Variants in MOGAT2 observed in about 807,000 individuals in gnomAD.
The protein encoded by MOGAT2 is monoacylglycerol O-acyltransferase 2.
Under a neutral mutation model 31.5 loss-of-function variants are expected in MOGAT2, and 27 were observed. That is an observed-to-expected ratio of 0.86 (90% CI 0.63 to 1.18). The LOEUF is 1.18. MOGAT2 is among the 50% of genes most tolerant of loss of function. The pLI is 0.00. For missense variants in MOGAT2, 436 were observed against 433.2 expected (o/e 1.01, Z -0.06); for synonymous variants, 163 against 170.0 (o/e 0.96, Z 0.32).
At chr11:75,718,116 C>A in intron 1 of MOGAT2, 137 bp downstream of exon 1, 1 of 898,236 alleles carries the variant, frequency 1.1e-6, no homozygotes, top group Admixed American at 2.1e-5. Flanking sequence ...AGAGCCCCTG[C>A]CCAGAGAGAA....
At position 75,731,405 on chromosome 11, in the gene MOGAT2, C is replaced by A; in HGVS notation, c.*119C>A. ...CTTCCCAGACTCCTGCAAATCCAAC[C>A]CATATCAGGCTGTAAGTCAGAGCAG... On this transcript the variant is annotated 3_prime_UTR_variant, in exon 6 of 6. Transcript: ENST00000198801. 8.6e-7 allele frequency: 1 copy of A among 1,164,728 alleles called. No individual in the cohort carries two copies. The highest frequency in any genetic ancestry group is 1.2e-6 in the Non-Finnish European group (1 of 860,374). 72.1% of individuals were successfully genotyped at this position (1,164,728 alleles called of 1,614,324 possible). A position where few individuals can be genotyped will look rare whatever the true frequency, so the allele number is the denominator to read the frequency against.
intron 1 of MOGAT2, among the ~76,000 whole-genome samples, chr11:75,718,698 A>T (rs1590836343): frequency 6.6e-6 from 1 of 151,904 alleles, no homozygotes. Flanking sequence ...CCCCTTACCC[A>T]CCCCACCACT....
chr11:75,727,918 C>A, intron 3 of MOGAT2, 52 bp from the exon 4 acceptor site: 1 of 1,511,790 alleles, frequency 6.6e-7, no homozygotes, highest in South Asian at 1.3e-5. Flanking sequence ...CATGTACTTT[C>A]ATAGCCCCTG....
At chr11:75,725,970 C>A (rs1254442813) in intron 2 of MOGAT2, among the ~76,000 whole-genome samples, 1 of 152,220 alleles carries the variant, frequency 6.6e-6, no homozygotes, top group Non-Finnish European at 1.5e-5. Context: ...CAGTTCCTTA[C>A]AATCACCACC....
chr11:75,726,932 C>T lies in MOGAT2; in HGVS notation c.271-503C>T, dbSNP rs181674608. On this transcript the variant is annotated intron_variant, in intron 2 of 5. Coordinates refer to ENST00000198801, the MANE Select transcript of MOGAT2 (RefSeq NM_025098.4). ...CTCAAACTCCTGACCTCAGGTCACC[C>T]ACCCGCCTTGGCCTCCCAAAGTGCT... Among the ~76,000 whole-genome samples the T allele has an allele frequency of 6.1e-3, 923 of 152,234 alleles. 4 individuals are homozygous for T. Among genetic ancestry groups the T allele is most frequent in the Middle Eastern group, 0.02 (6 of 294 alleles).
chr11:75,723,609 G>A (rs1012104523), intron 2 of MOGAT2, among the ~76,000 whole-genome samples: 6 of 152,170 alleles, frequency 3.9e-5, no homozygotes, highest in Non-Finnish European at 5.9e-5. Flanking sequence ...AATGTTTGTA[G>A]AGATGGAGTC....
chr11:75,731,441 AGAG>A lies in MOGAT2; in HGVS notation c.*159_*161del. ...TGTAAGTCAGAGCAGGCAATGCAGA[AGAG>A]GAGACCAGACCAAGGGGTCAGCTGG... On this transcript the variant is annotated 3_prime_UTR_variant, in exon 6 of 6. Coordinates refer to ENST00000198801, the MANE Select transcript of MOGAT2 (RefSeq NM_025098.4). 4.9e-6 allele frequency: 4 copies of A among 817,996 alleles called. No individual in the cohort carries two copies. The highest frequency in any genetic ancestry group is 7.1e-6 in the Non-Finnish European group (4 of 567,368). The allele number at this position is 817,996 out of a possible 1,614,324, so 50.7% of individuals were successfully genotyped here.
chr11:75,726,980 G>A (rs567169777), intron 2 of MOGAT2, among the ~76,000 whole-genome samples: 96 of 152,232 alleles, frequency 6.3e-4, no homozygotes, highest in African/African-American at 2.0e-3. Context: ...GTGAGCCACC[G>A]CGCCTGGCTG....
intron 4 of MOGAT2, 195 bp from the exon 5 acceptor site, chr11:75,728,595 G>A (rs1944443548): frequency 1.6e-6 from 1 of 606,462 alleles, no homozygotes; most frequent in African/African-American, 1.9e-5. Flanking sequence ...TTGTGGCCCT[G>A]CAAGGGACCT....
At chr11:75,721,716 A>C (rs1282031253) in intron 2 of MOGAT2, among the ~76,000 whole-genome samples, 1 of 152,054 alleles carries the variant, frequency 6.6e-6, no homozygotes, top group East Asian at 1.9e-4. Flanking sequence ...TCTGACCTCC[A>C]CACCTACGTA....
intron 2 of MOGAT2, among the ~76,000 whole-genome samples, chr11:75,722,488 G>C (rs117256982): frequency 2.0e-5 from 3 of 152,056 alleles, no homozygotes; most frequent in Admixed American, 6.5e-5. Flanking sequence ...CAAGCTCACC[G>C]GGGGGGAAAG....
intron 2 of MOGAT2, among the ~76,000 whole-genome samples, chr11:75,726,367 A>T (rs1944421133): frequency 6.6e-6 from 1 of 152,298 alleles, no homozygotes; most frequent in South Asian, 2.1e-4. Flanking sequence ...CCACATCTGA[A>T]GTGCCAATTT....
intron 5 of MOGAT2, among the ~76,000 whole-genome samples, chr11:75,729,740 C>CTTTTTTTTTTTTTTTTTTTTTTTTTTTT (rs543037592): frequency 1.6e-5 from 2 of 121,402 alleles, no homozygotes; most frequent in Non-Finnish European, 3.2e-5. Context: ...GGGTTTAATT[C>CTTTTTTTTTTTTTTTTTTTTTTTTTTTT]TTTTTTTTTT....
At chr11:75,720,195 T>C in intron 2 of MOGAT2, 25 bp downstream of exon 2, 3 of 1,598,402 alleles carry the variant, frequency 1.9e-6, no homozygotes, top group Non-Finnish European at 1.7e-6. Flanking sequence ...TGGTTGGGGT[T>C]GGGGAGGGAG....
Position 75,717,995 on chromosome 11 carries a change from C to A in MOGAT2, c.91+16C>A, listed in dbSNP as rs1465184514. ...TTGGCACTGGGTAAGTTGGGCTGCA[C>A]TGTAAGACGGGAGACCACCGCACTC... On this transcript the variant is annotated intron_variant, in intron 1 of 5. Coordinates refer to ENST00000198801, the MANE Select transcript of MOGAT2 (RefSeq NM_025098.4). The A allele has an allele frequency of 2.5e-6, 4 of 1,612,730 alleles. No individual in the cohort carries two copies. The highest frequency in any genetic ancestry group is 8.5e-7 in the Non-Finnish European group (1 of 1,179,010).
intron 3 of MOGAT2, 131 bp downstream of exon 3, chr11:75,727,770 A>G: frequency 9.3e-7 from 1 of 1,072,578 alleles, no homozygotes; most frequent in Non-Finnish European, 1.4e-6. Context: ...CACTTCCTAC[A>G]GCACCATGCT....
chr11:75,722,039 C>T (rs754882056), intron 2 of MOGAT2, among the ~76,000 whole-genome samples: 1 of 152,168 alleles, frequency 6.6e-6, no homozygotes, highest in Non-Finnish European at 1.5e-5. Context: ...CAGAGACTGC[C>T]GTGCTCACGA....
intron 1 of MOGAT2, 35 bp from the exon 2 acceptor site, chr11:75,719,956 AC>A (rs1368641922): frequency 6.2e-7 from 1 of 1,602,344 alleles, no homozygotes; most frequent in East Asian, 2.2e-5. Context: ...TTCCTCTCAG[AC>A]CCCTGTCCCT....
At chr11:75,730,415 A>G (rs1332026040) in intron 5 of MOGAT2, among the ~76,000 whole-genome samples, 1 of 152,196 alleles carries the variant, frequency 6.6e-6, no homozygotes, top group Non-Finnish European at 1.5e-5. Flanking sequence ...TCCCCAAATC[A>G]TATAGCCTGA....
Sources: gnomAD v4.1 joint callset for allele counts (sites outside exome capture counted in the v4.1 genomes callset) on GRCh38, gnomAD v4.1.1 for gene constraint, MANE v1.5 for transcripts, NCBI Gene and HGNC (gene_info 2026-07-23, HGNC 2026-07-21) for gene names.